Variants in TENM3 observed in about 807,000 individuals in gnomAD.
TENM3 encodes the protein teneurin transmembrane protein 3.
A neutral mutation model predicts 255.1 loss-of-function variants in TENM3; 63 were observed. The ratio of observed to expected loss-of-function variants is 0.25; its 90% CI spans 0.20 to 0.30. TENM3 has a LOEUF of 0.30. Ranked by LOEUF, TENM3 falls within the 10% of genes least tolerant of loss-of-function variation. TENM3 has a pLI of 1.00. For missense variants in TENM3, 2,929 were observed against 3,461.1 expected (o/e 0.85, Z 3.86); for synonymous variants, 1,306 against 1,322.3 (o/e 0.99, Z 0.27).
the TENM3 span, among the ~76,000 whole-genome samples, chr4:181,850,397 T>A: frequency 6.6e-6 from 1 of 152,090 alleles, no homozygotes; most frequent in Admixed American, 6.5e-5. Flanking sequence ...TGTCTAGAAA[T>A]AAATTTTGGT....
intron 3 of TENM3, among the ~76,000 whole-genome samples, chr4:182,530,871 A>G (rs536866539): frequency 6.6e-6 from 1 of 152,314 alleles, no homozygotes; most frequent in East Asian, 1.9e-4. Context: ...TGAAATGGGG[A>G]AGACTGTGGG....
In TENM3 at chr4:182,688,205, T is replaced by TG. The variant is rs758217137; in HGVS notation, c.2082dup (p.Thr695AspfsTer5). 1.2e-6 allele frequency: 2 copies of TG among 1,613,494 alleles called. No individual in the cohort carries two copies. The highest frequency in any genetic ancestry group is 1.7e-6 in the Non-Finnish European group (2 of 1,179,678). On this transcript the variant is annotated frameshift_variant, in exon 12 of 28. Coordinates refer to ENST00000511685, the MANE Select transcript of TENM3 (RefSeq NM_001080477.4). LOFTEE classifies it high-confidence loss of function. ...GACTGTGGCTCACACGGCGTTTGCA[T>TG]GGGGGGGACGTGTCGCTGTGAAGAA...
At chr4:182,523,831 T>TCA (rs1491224316) in intron 3 of TENM3, among the ~76,000 whole-genome samples, 1 of 62,642 alleles carries the variant, frequency 1.6e-5, no homozygotes. Flanking sequence ...ATAATTATTA[T>TCA]TTCGGAGAGA....
At chr4:181,469,641 G>A in the TENM3 span, among the ~76,000 whole-genome samples, 1 of 151,174 alleles carries the variant, frequency 6.6e-6, no homozygotes, top group Non-Finnish European at 1.5e-5. Flanking sequence ...AATGTCTGTA[G>A]CCTTGCATAA....
At chr4:181,647,569 A>G in the TENM3 span, among the ~76,000 whole-genome samples, 2 of 152,160 alleles carry the variant, frequency 1.3e-5, no homozygotes, top group African/African-American at 2.4e-5. Flanking sequence ...CTCATTTCAC[A>G]AACGAAACAG....
the TENM3 span, among the ~76,000 whole-genome samples, chr4:181,880,259 A>G: frequency 6.6e-6 from 1 of 152,184 alleles, no homozygotes; most frequent in Non-Finnish European, 1.5e-5. Flanking sequence ...GATTTATAAA[A>G]CGAAGATGAT....
chr4:182,602,707 G>A (rs1748018334), intron 4 of TENM3, among the ~76,000 whole-genome samples: 1 of 152,150 alleles, frequency 6.6e-6, no homozygotes, highest in Non-Finnish European at 1.5e-5. Flanking sequence ...TTAAGACACA[G>A]TCATGTATAC....
chr4:182,061,258 A>G, the TENM3 span, among the ~76,000 whole-genome samples: 3 of 152,274 alleles, frequency 2.0e-5, no homozygotes, highest in South Asian at 6.2e-4. Flanking sequence ...GTGAAAAACA[A>G]TGACCTACAT....
intron 18 of TENM3, among the ~76,000 whole-genome samples, chr4:182,742,077 C>G (rs977036806): frequency 6.6e-6 from 1 of 152,180 alleles, no homozygotes; most frequent in Non-Finnish European, 1.5e-5. Context: ...AAAGTCAAAG[C>G]AGCAGGTGGT....
the TENM3 span, among the ~76,000 whole-genome samples, chr4:181,523,183 C>G: frequency 6.6e-6 from 1 of 152,142 alleles, no homozygotes; most frequent in African/African-American, 2.4e-5. Flanking sequence ...CTTTACCAAT[C>G]TCAACATTTG....
At chr4:181,934,369 G>A in the TENM3 span, among the ~76,000 whole-genome samples, 4 of 152,192 alleles carry the variant, frequency 2.6e-5, no homozygotes, top group Admixed American at 2.6e-4. Flanking sequence ...ATTTATGAGT[G>A]TTTATCCTCA....
At chr4:181,829,517 A>C in the TENM3 span, among the ~76,000 whole-genome samples, 11 of 152,168 alleles carry the variant, frequency 7.2e-5, no homozygotes, top group Non-Finnish European at 1.2e-4. Flanking sequence ...AATCGGCCTA[A>C]AGTTGATCAG....
chr4:181,557,445 T>C, the TENM3 span, among the ~76,000 whole-genome samples: 1 of 152,174 alleles, frequency 6.6e-6, no homozygotes, highest in African/African-American at 2.4e-5. Context: ...ATGTTGAAAA[T>C]ATTTTATCAT....
intron 2 of TENM3, among the ~76,000 whole-genome samples, chr4:182,341,908 A>G (rs1764509444): frequency 1.3e-5 from 2 of 152,198 alleles, no homozygotes; most frequent in African/African-American, 4.8e-5. Flanking sequence ...TTCAATACCA[A>G]TGACCTATAT....
intron 3 of TENM3, among the ~76,000 whole-genome samples, chr4:182,366,480 A>T (rs72699924): frequency 0.025 from 3,842 of 152,180 alleles, 97 homozygotes; most frequent in African/African-American, 0.059. Context: ...TAGTTGAAGT[A>T]GGAATTTAAT....
At chr4:182,264,305 T>C (rs1759085546) in intron 1 of TENM3, among the ~76,000 whole-genome samples, 1 of 152,186 alleles carries the variant, frequency 6.6e-6, no homozygotes, top group Admixed American at 6.5e-5. Context: ...AGCTGGTTAG[T>C]CGCAAACTTG....
At chr4:181,676,118 C>T in the TENM3 span, among the ~76,000 whole-genome samples, 1 of 152,084 alleles carries the variant, frequency 6.6e-6, no homozygotes, top group Non-Finnish European at 1.5e-5. Flanking sequence ...AATTGACAGA[C>T]ACCATTTTTC....
chr4:182,470,955 T>C (rs902003102), intron 3 of TENM3, among the ~76,000 whole-genome samples: 2 of 152,208 alleles, frequency 1.3e-5, no homozygotes, highest in African/African-American at 4.8e-5. Context: ...AAGATCAGTA[T>C]TATTTTTTAG....
At chr4:181,838,509 T>A in the TENM3 span, among the ~76,000 whole-genome samples, 2 of 152,216 alleles carry the variant, frequency 1.3e-5, no homozygotes, top group Non-Finnish European at 2.9e-5. Context: ...AGCTATTTGT[T>A]ATTTAAATGT....
Sources: gnomAD v4.1 joint callset for allele counts (sites outside exome capture counted in the v4.1 genomes callset) on GRCh38, gnomAD v4.1.1 for gene constraint, MANE v1.5 for transcripts, NCBI Gene and HGNC (gene_info 2026-07-23, HGNC 2026-07-21) for gene names.